Variants in KLHL32 observed in about 807,000 individuals in gnomAD.
KLHL32 encodes the protein kelch like family member 32, also known as kelch-like protein 32.
KLHL32 carries 35 observed loss-of-function variants against 64.8 expected under a neutral mutation model. That is an observed-to-expected ratio of 0.54 (90% CI 0.41 to 0.72). The LOEUF (loss-of-function observed/expected upper bound fraction) is 0.72. Ranked by LOEUF, KLHL32 falls within the 30% of genes least tolerant of loss-of-function variation. The pLI is 0.00. For synonymous variants in KLHL32, 259 were observed against 281.0 expected (o/e 0.92, Z 0.78); for missense variants, 589 against 768.5 (o/e 0.77, Z 2.76).
At chr6:97,082,379 C>T (rs566473090) in intron 5 of KLHL32, among the ~76,000 whole-genome samples, 2 of 152,014 alleles carry the variant, frequency 1.3e-5, no homozygotes, top group East Asian at 1.9e-4. Flanking sequence ...TTTGGGAGGC[C>T]GAGGCGGGCG....
intron 1 of KLHL32, among the ~76,000 whole-genome samples, chr6:96,957,723 A>G (rs62413874): frequency 0.067 from 10,254 of 152,228 alleles, 422 homozygotes; most frequent in Middle Eastern, 0.15. Context: ...CTGAAAAGGC[A>G]TGTGCTAATG....
the KLHL32 span, among the ~76,000 whole-genome samples, chr6:96,907,155 T>C: frequency 6.6e-6 from 1 of 152,194 alleles, no homozygotes; most frequent in Non-Finnish European, 1.5e-5. Flanking sequence ...CTAATGGTAG[T>C]CTTCTAAAAA....
chr6:96,982,064 G>A (rs185321916), intron 3 of KLHL32, among the ~76,000 whole-genome samples: 3 of 152,040 alleles, frequency 2.0e-5, no homozygotes. Flanking sequence ...TATCTGTTAG[G>A]CCCATTCAGT....
intron 3 of KLHL32, among the ~76,000 whole-genome samples, chr6:96,987,158 C>G (rs1777209428): frequency 2.0e-5 from 3 of 152,098 alleles, no homozygotes; most frequent in South Asian, 4.2e-4. Context: ...TTCAAAAAAC[C>G]AGCTCCTGGA....
At chr6:97,031,946 A>ACC (rs56334016) in intron 3 of KLHL32, among the ~76,000 whole-genome samples, 26,611 of 152,112 alleles carry the variant, frequency 0.17, 2,750 homozygotes, top group African/African-American at 0.3. Flanking sequence ...GACAGTTTCT[A>ACC]TATAACATTT....
Position 97,073,273 on chromosome 6 carries a change from C to A in KLHL32, c.411+8547C>A, listed in dbSNP as rs370892109. 1.5e-4 allele frequency among the ~76,000 whole-genome samples: 23 copies of A among 152,304 alleles called. 1 individual carries two copies. The highest frequency in any genetic ancestry group is 5.3e-4 in the African/African-American group (22 of 41,574). ...TAATCACCATTCTGTAAAAGATATT[C>A]TTCCTCTTAGCCACTTCTCTTTGAT... On this transcript the variant is annotated intron_variant, in intron 5 of 10. Coordinates refer to ENST00000369261, the MANE Select transcript of KLHL32 (RefSeq NM_052904.4).
intron 6 of KLHL32, among the ~76,000 whole-genome samples, chr6:97,103,543 G>C (rs915195692): frequency 3.3e-5 from 5 of 152,148 alleles, no homozygotes. Flanking sequence ...ATATTACCTT[G>C]AAGCAGTCAC....
At chr6:97,033,262 G>A (rs1783833357) in intron 3 of KLHL32, among the ~76,000 whole-genome samples, 1 of 152,088 alleles carries the variant, frequency 6.6e-6, no homozygotes, top group South Asian at 2.1e-4. Context: ...CTATATAAGT[G>A]AGATCATTCA....
chr6:97,080,003 T>C (rs1162351429), intron 5 of KLHL32, among the ~76,000 whole-genome samples: 1 of 152,154 alleles, frequency 6.6e-6, no homozygotes, highest in East Asian at 1.9e-4. Context: ...GACAATCTCG[T>C]AATTAGGAAA....
At chr6:96,925,282 G>A (rs1298538400) in intron 1 of KLHL32, among the ~76,000 whole-genome samples, 1 of 152,128 alleles carries the variant, frequency 6.6e-6, no homozygotes, top group East Asian at 1.9e-4. Flanking sequence ...AAGGAGACTT[G>A]CTTAAACATC....
chr6:97,022,072 G>A (rs970765977), intron 3 of KLHL32, among the ~76,000 whole-genome samples: 4 of 150,834 alleles, frequency 2.7e-5, no homozygotes, highest in African/African-American at 1.0e-4. Flanking sequence ...CTCCTAGTCT[G>A]TTTTCCTTCT....
intron 4 of KLHL32, among the ~76,000 whole-genome samples, chr6:97,059,859 A>G (rs963572066): frequency 2.0e-5 from 3 of 152,196 alleles, no homozygotes; most frequent in Non-Finnish European, 4.4e-5. Flanking sequence ...ATGATTATAA[A>G]TTCAAGATTC....
At chr6:96,947,099 T>C (rs1772012661) in intron 1 of KLHL32, among the ~76,000 whole-genome samples, 3 of 152,208 alleles carry the variant, frequency 2.0e-5, no homozygotes, top group African/African-American at 7.2e-5. Context: ...CTTGGGTTCC[T>C]ACCTAAGTAA....
chr6:96,922,505 T>TA (rs11301965), upstream of KLHL32, among the ~76,000 whole-genome samples: 31 of 150,372 alleles, frequency 2.1e-4, no homozygotes, highest in African/African-American at 6.6e-4. Flanking sequence ...ACTCACACTT[T>TA]AAAAAAAAAA....
intron 3 of KLHL32, among the ~76,000 whole-genome samples, chr6:97,003,027 G>A (rs538013349): frequency 3.4e-4 from 52 of 152,116 alleles, no homozygotes; most frequent in Non-Finnish European, 6.2e-4. Context: ...CCAATAATGT[G>A]ATTGCGGGTC....
At chr6:97,132,988 A>G (rs1342430465) in intron 10 of KLHL32, among the ~76,000 whole-genome samples, 3 of 152,216 alleles carry the variant, frequency 2.0e-5, no homozygotes, top group African/African-American at 4.8e-5. Context: ...TGTAATATAT[A>G]TTGGAAACTG....
chr6:96,932,435 G>A (rs1770027129), intron 1 of KLHL32, among the ~76,000 whole-genome samples: 1 of 151,780 alleles, frequency 6.6e-6, no homozygotes, highest in African/African-American at 2.4e-5. Context: ...CAGCCCTTAG[G>A]CCTTTCTATA....
At chr6:97,012,115 G>A (rs1780486823) in intron 3 of KLHL32, among the ~76,000 whole-genome samples, 1 of 152,182 alleles carries the variant, frequency 6.6e-6, no homozygotes, top group Non-Finnish European at 1.5e-5. Flanking sequence ...CAAGCTGTGT[G>A]GAACTGAGTA....
At chr6:97,134,818 AAC>A (rs1799814363) in intron 10 of KLHL32, among the ~76,000 whole-genome samples, 1 of 152,194 alleles carries the variant, frequency 6.6e-6, no homozygotes, top group East Asian at 1.9e-4. Flanking sequence ...ATATTTTGTT[AAC>A]AGTCGTGAAT....
Sources: allele counts gnomAD v4.1 joint callset (sites outside exome capture counted in the v4.1 genomes callset), GRCh38; gene constraint gnomAD v4.1.1; transcripts MANE v1.5; gene names NCBI Gene and HGNC (gene_info 2026-07-23, HGNC 2026-07-21).